HNRNPM: variants seen among roughly 807,000 people sequenced by gnomAD.
The protein encoded by HNRNPM is CEA receptor.
A neutral mutation model predicts 73.1 loss-of-function variants in HNRNPM; 11 were observed. That is an observed-to-expected ratio of 0.15 (90% CI 0.09 to 0.25). HNRNPM has a LOEUF of 0.25. Among genes scored for constraint, HNRNPM ranks in the 10% least tolerant of loss-of-function variants. The pLI is 1.00. For missense variants in HNRNPM, 789 were observed against 1,067.9 expected (o/e 0.74, Z 3.64); for synonymous variants, 407 against 355.2 (o/e 1.15, Z -1.64).
rs753317424 is a variant in HNRNPM at position 8,486,221 on chromosome 19, C to G, written c.1793C>G (p.Pro598Arg). ...GAGCGCATGGGCCCTGCCATGGGCC[C>G]GGCCCTGGGCGCTGGCATTGAGCGC... The part of the protein sequence containing the change: ...SLERMGPAMG[P>R]ALGAGIERMG... The change falls in exon 14 of 16, where the codon CCG (proline) becomes CGG (arginine). Residue 598 changes from proline to arginine, a missense_variant. Pro to Arg is a moderately radical substitution (Grantham distance 103, BLOSUM62 -2). Around this residue, in one of 4 missense-constraint regions of HNRNPM, gnomAD observed 604 missense variants for 744.0 expected, o/e 0.81. Transcript: ENST00000325495. 6.3e-7 allele frequency: 1 copy of G among 1,590,036 alleles called. No homozygotes were observed. The highest frequency in any genetic ancestry group is 8.6e-7 in the Non-Finnish European group (1 of 1,169,382).
chr19:8,488,369 G>A (rs1380217188), intron 15 of HNRNPM: 3 of 251,238 alleles, frequency 1.2e-5, no homozygotes, highest in Non-Finnish European at 1.6e-5. Context: ...CAGGGGCGGT[G>A]GCATATCAAA....
rs1032086552 is a variant in HNRNPM, at chr19:8,466,751, G to A, written c.784+363G>A. ...TGAGGCACAAGAATCGCTTGAACCCGGGAGGTGGAGGTTGCAGTGAGCCGA... is the reference window on the plus strand; with the variant it reads ...TGAGGCACAAGAATCGCTTGAACCCAGGAGGTGGAGGTTGCAGTGAGCCGA... On this transcript the variant is annotated intron_variant, in intron 7 of 15. Transcript: ENST00000325495. Among the ~76,000 whole-genome samples, 6 of 148,988 alleles carry A rather than the reference G, an allele frequency of 4.0e-5. No homozygotes were observed. In the East Asian group the frequency reaches 6.0e-4, roughly 15 times the overall value.
intron 1 of HNRNPM, 55 bp from the exon 2 acceptor site, chr19:8,455,350 C>G (rs765905844): frequency 3.6e-6 from 5 of 1,403,402 alleles, no homozygotes; most frequent in Non-Finnish European, 4.9e-6. Flanking sequence ...AATTATCTTT[C>G]ACATTGTGCT....
chr19:8,446,230 C>T (rs1968175180), intron 1 of HNRNPM, among the ~76,000 whole-genome samples: 1 of 152,166 alleles, frequency 6.6e-6, no homozygotes, highest in Non-Finnish European at 1.5e-5. Flanking sequence ...ACTCAGTGTG[C>T]TGTAACCGTC....
chr19:8,466,203 T>C (rs1969732708), intron 6 of HNRNPM, 32 bp from the exon 7 acceptor site: 1 of 1,591,584 alleles, frequency 6.3e-7, no homozygotes, highest in African/African-American at 1.4e-5. Context: ...GATGTTTACA[T>C]TGAGGTTTTT....
chr19:8,447,722 C>CA (rs915009708), intron 1 of HNRNPM, among the ~76,000 whole-genome samples: 9 of 150,990 alleles, frequency 6.0e-5, no homozygotes, highest in East Asian at 1.9e-4. Flanking sequence ...CTGTCTCTAC[C>CA]AAAAAAAAGA....
intron 12 of HNRNPM, among the ~76,000 whole-genome samples, chr19:8,477,870 C>T (rs931189140): frequency 4.6e-5 from 7 of 152,100 alleles, no homozygotes; most frequent in South Asian, 2.1e-4. Context: ...GGATTTGAGT[C>T]CCAGCCTTTG....
intron 12 of HNRNPM, chr19:8,481,515 T>A (rs1970915939): frequency 6.6e-6 from 1 of 152,232 alleles, no homozygotes; most frequent in Non-Finnish European, 1.5e-5. Flanking sequence ...TCTCTGCAAA[T>A]CAGTGGCATG....
At chr19:8,479,116 C>T (rs1195503686) in intron 12 of HNRNPM, among the ~76,000 whole-genome samples, 7 of 111,774 alleles carry the variant, frequency 6.3e-5, no homozygotes, top group African/African-American at 1.0e-4. Context: ...GACAGAGTCT[C>T]GCTTTGTTGC....
At chr19:8,467,467 C>T in intron 7 of HNRNPM, 68 bp from the exon 8 acceptor site, 1 of 1,195,714 alleles carries the variant, frequency 8.4e-7, no homozygotes, top group African/African-American at 1.5e-5. Flanking sequence ...GAGTATTTTT[C>T]TTTCTTTTTG....
chr19:8,483,488 G>GGCCGACCATCTTCATT (rs1434993420), intron 13 of HNRNPM, among the ~76,000 whole-genome samples: 1 of 152,256 alleles, frequency 6.6e-6, no homozygotes, highest in Admixed American at 6.5e-5. Context: ...GCTGTGCACA[G>GGCCGACCATCTTCATT]GCCGACCATC....
intron 8 of HNRNPM, 37 bp downstream of exon 8, chr19:8,467,621 G>C: frequency 6.9e-7 from 1 of 1,447,906 alleles, no homozygotes; most frequent in South Asian, 1.1e-5. Context: ...ATATACTCAA[G>C]TCTAGCAAAA....
chr19:8,460,078 A>G (rs1036923291), intron 2 of HNRNPM, among the ~76,000 whole-genome samples: 6 of 152,138 alleles, frequency 3.9e-5, no homozygotes, highest in African/African-American at 1.2e-4. Context: ...GCTACTGCCA[A>G]GCTGTCACCT....
At chr19:8,460,120 C>G (rs1055572304) in intron 2 of HNRNPM, among the ~76,000 whole-genome samples, 14 of 152,158 alleles carry the variant, frequency 9.2e-5, no homozygotes, top group Admixed American at 3.9e-4. Flanking sequence ...GTGATCTGCT[C>G]TGGATGGTTT....
At chr19:8,460,486 G>T (rs1357170539) in intron 2 of HNRNPM, among the ~76,000 whole-genome samples, 1 of 152,158 alleles carries the variant, frequency 6.6e-6, no homozygotes, top group Admixed American at 6.5e-5. Context: ...GAGGGAGAAC[G>T]TTTTAAGCAA....
At position 8,471,704 on chromosome 19, in the gene HNRNPM, G is replaced by T. The variant is rs17160514; in HGVS notation, c.997+277G>T. 2.3e-3 allele frequency among the ~76,000 whole-genome samples: 352 copies of T among 152,284 alleles called. 4 individuals carry two copies. The East Asian group carries it at 0.032, about 14-fold the overall frequency. Reference sequence around the variant, plus strand: ...CCATTTGATAAGAGGAGGCAAGCCAGAGAGTTGATCTTGCTCAAGGTCACA... The same window carrying T: ...CCATTTGATAAGAGGAGGCAAGCCATAGAGTTGATCTTGCTCAAGGTCACA... On this transcript the variant is annotated intron_variant, in intron 10 of 15. Transcript: ENST00000325495.
At chr19:8,453,149 T>G (rs1968748001) in intron 1 of HNRNPM, among the ~76,000 whole-genome samples, 1 of 149,070 alleles carries the variant, frequency 6.7e-6, no homozygotes, top group South Asian at 2.1e-4. Context: ...ATACTTTTGT[T>G]TGTTTGTTTG....
At chr19:8,455,298 A>C (rs541519689) in intron 1 of HNRNPM, 107 bp from the exon 2 acceptor site, 1 of 945,688 alleles carries the variant, frequency 1.1e-6, no homozygotes, top group African/African-American at 1.7e-5. Context: ...GTCTTGTGTC[A>C]TATGTAACTT....
intron 15 of HNRNPM, chr19:8,487,754 A>G (rs1323670619): frequency 1.3e-5 from 2 of 152,146 alleles, no homozygotes; most frequent in African/African-American, 4.8e-5. Flanking sequence ...TTTCACCACC[A>G]TTGCTGCTTC....
Sources: gnomAD v4.1 joint callset for allele counts (sites outside exome capture counted in the v4.1 genomes callset) on GRCh38, gnomAD v4.1.1 for gene constraint, gnomAD v4.1.1 regional missense constraint, MANE v1.5 for transcripts, NCBI Gene and HGNC (gene_info 2026-07-23, HGNC 2026-07-21) for gene names.